EVA1A: variants seen among roughly 807,000 people sequenced by gnomAD.
EVA1A encodes the protein eva-1 homolog A, regulator of programmed cell death.
A neutral mutation model predicts 9.8 loss-of-function variants in EVA1A; 7 were observed. The observed-to-expected ratio is 0.71, with a 90% CI of 0.41 to 1.34. The LOEUF (loss-of-function observed/expected upper bound fraction) is 1.34. Ranked by LOEUF, EVA1A falls within the 40% of genes most tolerant of loss-of-function variation. EVA1A has a pLI of 0.01. For synonymous variants in EVA1A, 90 were observed against 85.6 expected, an observed-to-expected ratio of 1.05 and a Z score of -0.28; for missense variants, 206 against 205.9, an observed-to-expected ratio of 1.00 and a Z score of 0.00.
chr2:75,566,659 T>G (rs901609761), intron 1 of EVA1A, among the ~76,000 whole-genome samples: 4 of 152,222 alleles, frequency 2.6e-5, no homozygotes, highest in African/African-American at 9.6e-5. Flanking sequence ...GTCAGAAGAA[T>G]AGAGATTTAA....
At chr2:75,556,122 C>T (rs113118799) in intron 1 of EVA1A, among the ~76,000 whole-genome samples, 1 of 152,218 alleles carries the variant, frequency 6.6e-6, no homozygotes, top group African/African-American at 2.4e-5. Context: ...CACAGAGCTA[C>T]GTATTGCACG....
intron 1 of EVA1A, among the ~76,000 whole-genome samples, chr2:75,558,896 C>T (rs1479766022): frequency 1.3e-5 from 2 of 152,194 alleles, no homozygotes; most frequent in East Asian, 3.8e-4. Flanking sequence ...ATTCCCAATT[C>T]CCATCCCTTC....
At chr2:75,533,750 A>G (rs948812690) in intron 1 of EVA1A, among the ~76,000 whole-genome samples, 8 of 151,428 alleles carry the variant, frequency 5.3e-5, no homozygotes, top group African/African-American at 2.0e-4. Context: ...AGCCTGGGCA[A>G]CATGGTGAGA....
chr2:75,518,012 A>C, intron 3 of EVA1A, 44 bp downstream of exon 3: 1 of 1,611,458 alleles, frequency 6.2e-7, no homozygotes, highest in South Asian at 1.1e-5. Flanking sequence ...CCTTGGACCC[A>C]GCCCCAGACC....
At chr2:75,533,286 T>C (rs1428245118) in intron 1 of EVA1A, among the ~76,000 whole-genome samples, 1 of 152,124 alleles carries the variant, frequency 6.6e-6, no homozygotes. Context: ...GATGTTTCAT[T>C]GGAAACCATG....
At chr2:75,496,884 C>T (rs1057225389) in intron 3 of EVA1A, among the ~76,000 whole-genome samples, 23 of 152,164 alleles carry the variant, frequency 1.5e-4, no homozygotes, top group Admixed American at 1.4e-3. Flanking sequence ...AATAAAGCTG[C>T]ACACCTATAG....
At chr2:75,537,542 A>G (rs1042244488) in intron 1 of EVA1A, among the ~76,000 whole-genome samples, 3 of 152,206 alleles carry the variant, frequency 2.0e-5, no homozygotes, top group African/African-American at 7.2e-5. Context: ...TTTGCAGGTG[A>G]TATGGCTGTC....
In EVA1A at chr2:75,507,664, A is replaced by C. The variant is rs73938922; in HGVS notation, c.85+10392T>G. On this transcript the variant is annotated intron_variant, in intron 3 of 3. Coordinates refer to ENST00000393913, the MANE Select transcript of EVA1A (RefSeq NM_001135032.2). ...CCTCATCTGAGCCACATCAAAGCCC[A>C]AACTGTTCCTCAATCTCCACCATCC... Among the ~76,000 whole-genome samples, 1,108 of 152,254 alleles carry C rather than the reference A, an allele frequency of 7.3e-3. 9 individuals are homozygous for C. The highest frequency in any genetic ancestry group is 0.025 in the African/African-American group (1,046 of 41,542).
At chr2:75,494,890 T>A (rs1455530858) in intron 3 of EVA1A, among the ~76,000 whole-genome samples, 1 of 152,164 alleles carries the variant, frequency 6.6e-6, no homozygotes, top group Admixed American at 6.5e-5. Context: ...GCTCTTTCCT[T>A]GGTGAGAGAA....
intron 1 of EVA1A, among the ~76,000 whole-genome samples, chr2:75,543,385 G>A (rs578060083): frequency 3.3e-5 from 5 of 152,158 alleles, no homozygotes; most frequent in Admixed American, 2.6e-4. Context: ...GGAACAAGGA[G>A]TATTCCTGGT....
intron 1 of EVA1A, among the ~76,000 whole-genome samples, chr2:75,545,295 T>TA (rs199908841): frequency 0.014 from 2,105 of 152,024 alleles, 17 homozygotes; most frequent in Non-Finnish European, 0.023. Flanking sequence ...AGCTTGAGAA[T>TA]AAAAAAAATG....
intron 2 of EVA1A, among the ~76,000 whole-genome samples, chr2:75,519,382 T>C (rs892924917): frequency 5.9e-5 from 9 of 152,248 alleles, no homozygotes; most frequent in Admixed American, 3.9e-4. Flanking sequence ...AGAGCGGCAG[T>C]TCCGTGAGGT....
At chr2:75,537,149 A>G (rs1368425950) in intron 1 of EVA1A, among the ~76,000 whole-genome samples, 1 of 152,234 alleles carries the variant, frequency 6.6e-6, no homozygotes, top group African/African-American at 2.4e-5. Context: ...GGCTTATTTC[A>G]AGAATGCAAG....
At chr2:75,513,490 G>T (rs1308518802) in intron 3 of EVA1A, among the ~76,000 whole-genome samples, 1 of 152,158 alleles carries the variant, frequency 6.6e-6, no homozygotes, top group East Asian at 1.9e-4. Flanking sequence ...TAGGTTTTAT[G>T]TGTAAGTGAG....
intron 3 of EVA1A, among the ~76,000 whole-genome samples, chr2:75,515,888 C>A (rs896583024): frequency 5.9e-5 from 9 of 152,206 alleles, no homozygotes; most frequent in African/African-American, 1.9e-4. Flanking sequence ...ACAAAGAACA[C>A]ACACACACAC....
At chr2:75,544,113 A>G (rs1389522278) in intron 1 of EVA1A, among the ~76,000 whole-genome samples, 1 of 152,186 alleles carries the variant, frequency 6.6e-6, no homozygotes, top group African/African-American at 2.4e-5. Flanking sequence ...CAAAACCATG[A>G]ATATGTTTGA....
intron 1 of EVA1A, among the ~76,000 whole-genome samples, chr2:75,555,879 G>T (rs116672982): frequency 2.0e-4 from 30 of 152,088 alleles, no homozygotes; most frequent in South Asian, 4.2e-4. Flanking sequence ...CTTCAAACCC[G>T]CCAAGCTCCC....
intron 3 of EVA1A, among the ~76,000 whole-genome samples, chr2:75,498,071 G>A (rs961948165): frequency 1.3e-5 from 2 of 152,058 alleles, no homozygotes; most frequent in African/African-American, 4.8e-5. Context: ...CAAAAACATG[G>A]AATCAACCTA....
At chr2:75,525,205 T>C (rs1279790152) in intron 1 of EVA1A, among the ~76,000 whole-genome samples, 1 of 152,146 alleles carries the variant, frequency 6.6e-6, no homozygotes, top group Non-Finnish European at 1.5e-5. Flanking sequence ...CAAATCACTA[T>C]CTCAATCTCT....
Sources: gnomAD v4.1 joint callset for allele counts (sites outside exome capture counted in the v4.1 genomes callset) on GRCh38, gnomAD v4.1.1 for gene constraint, MANE v1.5 for transcripts, NCBI Gene and HGNC (gene_info 2026-07-23, HGNC 2026-07-21) for gene names.